Variants in TPM4 observed in about 807,000 individuals in gnomAD.
TPM4 encodes tropomyosin alpha-4 chain.
Under a neutral mutation model 35.8 loss-of-function variants are expected in TPM4, and 17 were observed. The ratio of observed to expected loss-of-function variants is 0.47; its 90% CI spans 0.32 to 0.71. The LOEUF is 0.71. Among genes scored for constraint, TPM4 ranks in the 30% least tolerant of loss-of-function variants. The probability of loss-of-function intolerance (pLI) is 0.03; values close to 1 mark genes in which losing one functional copy is unlikely to be tolerated. For missense variants in TPM4, 240 were observed against 320.9 expected (o/e 0.75, Z 1.93); for synonymous variants, 120 against 122.9 (o/e 0.98, Z 0.15).
chr19:16,100,595 G>A (rs1568313889), intron 7 of TPM4: 1 of 152,016 alleles, frequency 6.6e-6, no homozygotes, highest in Non-Finnish European at 1.5e-5. Context: ...CTGAGCAGAT[G>A]GGTTCCTTGA....
At chr19:16,071,192 T>C (rs2090354023) in intron 2 of TPM4, among the ~76,000 whole-genome samples, 1 of 152,200 alleles carries the variant, frequency 6.6e-6, no homozygotes, top group Non-Finnish European at 1.5e-5. Flanking sequence ...TATCAGTCTT[T>C]AAATGTATTT....
chr19:16,092,470 A>G (rs1042698765), intron 5 of TPM4, among the ~76,000 whole-genome samples: 1 of 151,188 alleles, frequency 6.6e-6, no homozygotes, highest in African/African-American at 2.4e-5. Flanking sequence ...TCTCCCCAAC[A>G]TCCTCCACAT....
In TPM4 at chr19:16,069,523, T is replaced by G. The variant is rs2090332802; in HGVS notation, c.114+1785T>G. On this transcript the variant is annotated intron_variant, in intron 2 of 2. Transcript: ENST00000589897. ...TGTGTGTATGATTGTGTGTTTCTAT[T>G]GGTGTGTATGTGTGTTGTGTGTGGA... Among the ~76,000 whole-genome samples, 5 of 141,868 alleles carry G rather than the reference T, an allele frequency of 3.5e-5. 1 individual carries two copies. Among genetic ancestry groups the G allele is most frequent in the African/African-American group, 5.8e-5 (2 of 34,192 alleles). 93.1% of individuals were successfully genotyped at this position (141,868 alleles called of 152,430 possible).
intron 7 of TPM4, among the ~76,000 whole-genome samples, chr19:16,094,882 G>A (rs968992083): frequency 1.3e-4 from 19 of 151,872 alleles, no homozygotes; most frequent in Non-Finnish European, 2.5e-4. Flanking sequence ...ATGTTTTTTT[G>A]GGGAAGTGAG....
At chr19:16,088,229 C>A (rs1309068355) in intron 4 of TPM4, 132 bp downstream of exon 4, 2 of 1,433,188 alleles carry the variant, frequency 1.4e-6, no homozygotes, top group Admixed American at 4.1e-5. Context: ...GCTCATGGCT[C>A]ATCTTTTCTC....
At position 16,091,198 on chromosome 19, in the gene TPM4, G is replaced by A. The variant is rs146488606; in HGVS notation, c.531+2078G>A. Among the ~76,000 whole-genome samples the A allele has an allele frequency of 8.1e-4, 123 of 151,950 alleles. 1 individual carries two copies. The highest frequency in any genetic ancestry group is 2.8e-3 in the African/African-American group (117 of 41,428). On this transcript the variant is annotated intron_variant, in intron 5 of 7. Coordinates refer to ENST00000643579, the MANE Select transcript of TPM4 (RefSeq NM_003290.3). ...CTCCTGAGTAACTGGGAATACAGGC[G>A]CACACACCACGCCCAGCTAATTTTT...
chr19:16,087,917 G>T, intron 3 of TPM4, 110 bp from the exon 4 acceptor site: 1 of 1,135,104 alleles, frequency 8.8e-7, no homozygotes, highest in Admixed American at 2.1e-5. Flanking sequence ...AACCCATGTT[G>T]CAGCTGGTCT....
chr19:16,085,828 G>T (rs543247779), intron 2 of TPM4, among the ~76,000 whole-genome samples: 1 of 152,194 alleles, frequency 6.6e-6, no homozygotes, highest in African/African-American at 2.4e-5. Context: ...CAGCACTCTG[G>T]GAGGTCAAGG....
intron 5 of TPM4, 55 bp from the exon 6 acceptor site, chr19:16,093,481 A>C (rs1161252018): frequency 3.1e-6 from 5 of 1,594,676 alleles, no homozygotes; most frequent in Non-Finnish European, 4.3e-6. Context: ...GGCATGAGCC[A>C]CCATGCCTGG....
At chr19:16,075,025 G>C (rs769513728), upstream of TPM4, 1 of 152,446 alleles carries the variant, frequency 6.6e-6, no homozygotes, top group Non-Finnish European at 1.5e-5. Flanking sequence ...CCAGGAGGCG[G>C]AGGTTGCAGT....
At chr19:16,101,061 C>A in intron 7 of TPM4, 1 of 400,880 alleles carries the variant, frequency 2.5e-6, no homozygotes, top group Non-Finnish European at 4.7e-6. Context: ...ATCCCAGCTA[C>A]TCGGGAGGCT....
Position 16,101,816 on chromosome 19 carries a change from A to G in TPM4, c.*470A>G, listed in dbSNP as rs1396167630. On this transcript the variant is annotated 3_prime_UTR_variant, in exon 8 of 8. Coordinates refer to ENST00000643579, the MANE Select transcript of TPM4 (RefSeq NM_003290.3). The stretch of plus-strand genomic sequence containing the variant: ...TCACATGGGTAGGGATTTTCCATCC[A>G]GAGCCAATAAAAGGACTGGTGGGGG... 2.2e-5 allele frequency: 5 copies of G among 228,152 alleles called. No individual in the cohort carries two copies. Among genetic ancestry groups the G allele is most frequent in the Non-Finnish European group, 4.3e-5 (5 of 114,986 alleles). 14.1% of individuals were successfully genotyped at this position (228,152 alleles called of 1,614,324 possible). A position where few individuals can be genotyped will look rare whatever the true frequency, so the allele number is the denominator to read the frequency against.
rs1454120484 is a variant in TPM4 at position 16,067,960 on chromosome 19, A to G, written c.114+222A>G. 5.9e-6 allele frequency: 3 copies of G among 510,194 alleles called. No individual in the cohort carries two copies. The highest frequency in any genetic ancestry group is 1.0e-5 in the Non-Finnish European group (3 of 290,928). 31.6% of individuals were successfully genotyped at this position (510,194 alleles called of 1,614,324 possible). A position where few individuals can be genotyped will look rare whatever the true frequency, so the allele number is the denominator to read the frequency against. On this transcript the variant is annotated intron_variant, in intron 2 of 2. Coordinates refer to the TPM4 transcript ENST00000589897. This position sits in a 1 kb window ranked among gnomAD's most constrained non-coding sequence, Gnocchi z 4.1. ...CACCCCCAGCAGGGCCAGTGCGAAC[A>G]AAGTGAGTTTGACAGAGAGAGAGTT...
chr19:16,100,260 G>T (rs1309983636), intron 7 of TPM4: 1 of 152,060 alleles, frequency 6.6e-6, no homozygotes, highest in Non-Finnish European at 1.5e-5. Context: ...TGACTCAAGG[G>T]TTACCAGAGT....
At chr19:16,093,952 C>CTTTTTTTTTTTTT (rs35095689) in intron 7 of TPM4, among the ~76,000 whole-genome samples, 199 bp downstream of exon 7, 3 of 108,792 alleles carry the variant, frequency 2.8e-5, no homozygotes, top group East Asian at 3.1e-4. Context: ...TTGAATGGCC[C>CTTTTTTTTTTTTT]TTTTTTTTTT....
chr19:16,069,522 T>TGGGG (rs1599355631), intron 2 of TPM4, among the ~76,000 whole-genome samples: 1 of 290 alleles, frequency 3.4e-3, no homozygotes. Flanking sequence ...TGTGTTTCTA[T>TGGGG]TGGTGTGTAT....
intron 1 of TPM4, 156 bp from the exon 2 acceptor site, chr19:16,081,757 T>C (rs1229318369): frequency 3.0e-6 from 3 of 988,180 alleles, no homozygotes; most frequent in Non-Finnish European, 4.2e-6. Context: ...AAGATCATAC[T>C]GAAATTTTGG....
upstream of TPM4, among the ~76,000 whole-genome samples, chr19:16,073,963 CA>C (rs34116610): frequency 3.4e-3 from 246 of 71,892 alleles, 1 homozygote; most frequent in African/African-American, 0.013. Context: ...AAAAAAAACG[CA>C]AAAAAAAAAA....
intron 7 of TPM4, among the ~76,000 whole-genome samples, chr19:16,097,304 C>T (rs1196918446): frequency 7.1e-6 from 1 of 140,896 alleles, no homozygotes; most frequent in Non-Finnish European, 1.5e-5. Context: ...GACGGAGTTT[C>T]GCTCTTGTTG....
Sources: allele counts gnomAD v4.1 joint callset (sites outside exome capture counted in the v4.1 genomes callset), GRCh38; gene constraint gnomAD v4.1.1; non-coding constraint Gnocchi (gnomAD v3.1); transcripts MANE v1.5; gene names NCBI Gene and HGNC (gene_info 2026-07-23, HGNC 2026-07-21).